The following MZB1 variants were observed in gnomAD, a reference collection of about 807,000 sequenced individuals.
MZB1 encodes the protein marginal zone B- and B1-cell-specific protein.
A neutral mutation model predicts 17.2 loss-of-function variants in MZB1; 10 were observed. The ratio of observed to expected loss-of-function variants is 0.58; its 90% CI spans 0.36 to 0.98. MZB1 has a LOEUF of 0.98. Among genes scored for constraint, MZB1 ranks in the 50% least tolerant of loss-of-function variants. The pLI is 0.01. For synonymous variants in MZB1, 99 were observed against 98.7 expected, an observed-to-expected ratio of 1.00 and a Z score of -0.02; for missense variants, 246 against 237.5, an observed-to-expected ratio of 1.04 and a Z score of -0.23.
chr5:139,388,123 A>C lies in MZB1; in HGVS notation c.311T>G (p.Val104Gly). The change falls in exon 3 of 4, where the codon GTT becomes GGT. Residue 104 changes from valine (V) to glycine (G), a missense_variant. Physicochemically the swap from Val to Gly is moderately radical, Grantham distance 109. Coordinates refer to ENST00000302125, the MANE Select transcript of MZB1 (RefSeq NM_016459.4). ...ACGTTTCACTTGGTCCACTTCTCGA[A>C]CTCCGTAGCTGGTGGCAGTGGAGAG... ...SCSRNWQDYG[V>G]REVDQVKRLT... is the part of the protein sequence containing the mutation. The C allele has an allele frequency of 6.4e-7, 1 of 1,550,582 alleles. No homozygotes were observed. The highest frequency in any genetic ancestry group is 8.7e-7 in the Non-Finnish European group (1 of 1,147,072).
intron 1 of MZB1, 180 bp from the exon 2 acceptor site, chr5:139,388,765 G>C (rs1758556937): frequency 1.9e-6 from 2 of 1,064,972 alleles, no homozygotes; most frequent in East Asian, 2.7e-5. Flanking sequence ...CTCTGGGATG[G>C]GGATGGGGGA....
At position 139,388,207 on chromosome 5, in the gene MZB1, C is replaced by G. The variant is rs537474718; in HGVS notation, c.303-76G>C. 8.9e-6 allele frequency: 12 copies of G among 1,345,690 alleles called. No homozygotes were observed. The African/African-American group carries it at 1.5e-4, about 16-fold the overall frequency. 83.4% of individuals were successfully genotyped at this position (1,345,690 alleles called of 1,614,324 possible). On this transcript the variant is annotated intron_variant, in intron 2 of 3. Coordinates refer to ENST00000302125, the MANE Select transcript of MZB1 (RefSeq NM_016459.4). ...GGGAGAGACCCATCTCCACAGCAAG[C>G]TGGACATGCTGGGCATTTGTGGAAT...
At position 139,387,722 on chromosome 5, in the gene MZB1, A is replaced by C. The variant is rs1758538006; in HGVS notation, c.*43T>G. ...CCTGCAGACGGGAGTGGAGACCGTCAGAGCAAGCCCCAGCTTCTTTCAGAG... is the reference window on the plus strand; with the variant it reads ...CCTGCAGACGGGAGTGGAGACCGTCCGAGCAAGCCCCAGCTTCTTTCAGAG... On this transcript the variant is annotated 3_prime_UTR_variant, in exon 4 of 4. Coordinates refer to ENST00000302125, the MANE Select transcript of MZB1 (RefSeq NM_016459.4). 2 of 1,481,372 alleles carry C rather than the reference A, an allele frequency of 1.4e-6. No homozygotes were observed. The highest frequency in any genetic ancestry group is 1.8e-6 in the Non-Finnish European group (2 of 1,119,468). 91.8% of individuals were successfully genotyped at this position (1,481,372 alleles called of 1,614,324 possible). A position where few individuals can be genotyped will look rare whatever the true frequency, so the allele number is the denominator to read the frequency against.
rs776669046 is a variant in MZB1 at position 139,389,721 on chromosome 5, C to T, written c.136G>A (p.Ala46Thr). ...CTGCAGGCATCACAGCGCAGGTGAGCGGGCATGTGGGCTGAGTACATCTCC... is the reference window on the plus strand; with the variant it reads ...CTGCAGGCATCACAGCGCAGGTGAGTGGGCATGTGGGCTGAGTACATCTCC... ...DEEMYSAHMP[A>T]HLRCDACRAV... Residue 46 changes from alanine to threonine, a missense_variant, in exon 1 of 4, where the codon GCT becomes ACT. Transcript: ENST00000302125. 1.3e-5 allele frequency: 21 copies of T among 1,580,702 alleles called. No homozygotes were observed. The highest frequency in any genetic ancestry group is 7.0e-5 in the East Asian group (3 of 42,994).
At chr5:139,388,179 C>A in intron 2 of MZB1, 48 bp from the exon 3 acceptor site, 1 of 1,502,404 alleles carries the variant, frequency 6.7e-7, no homozygotes, top group Non-Finnish European at 9.0e-7. Flanking sequence ...AGGAGCCCAG[C>A]CAGGGAGAGA....
intron 1 of MZB1, 116 bp from the exon 2 acceptor site, chr5:139,388,701 A>G (rs1421724280): frequency 6.8e-6 from 10 of 1,479,874 alleles, no homozygotes; most frequent in Middle Eastern, 1.8e-4. Context: ...GAGCCGTTTG[A>G]GCAGGAAGCA....
At chr5:139,388,234 C>G in intron 2 of MZB1, 103 bp from the exon 3 acceptor site, 9 of 1,237,156 alleles carry the variant, frequency 7.3e-6, no homozygotes, top group Non-Finnish European at 1.0e-5. Context: ...TTGTGGAATT[C>G]AGAGAGGGAA....
intron 1 of MZB1, chr5:139,389,251 C>T: frequency 2.9e-6 from 1 of 349,376 alleles, no homozygotes; most frequent in Non-Finnish European, 5.6e-6. Context: ...ACTCCCAGGC[C>T]CCCACCTCAC....
rs1438931297 is a variant in MZB1, at chr5:139,389,790, C to A, written c.67G>T (p.Asp23Tyr). The change falls in exon 1 of 4, where the codon GAC (aspartate) becomes TAC (tyrosine). Residue 23 changes from aspartate to tyrosine, a missense_variant. Asp to Tyr is a radical substitution (Grantham distance 160, BLOSUM62 -3). Coordinates refer to ENST00000302125, the MANE Select transcript of MZB1 (RefSeq NM_016459.4). ...GAWAIPGGLG[D>Y]RAPLTATAPQ... ...GCTGTGGCTGTGAGTGGCGCCCTGT[C>A]CCCGAGGCCCCCTGGGATGGCCCAG... The A allele has an allele frequency of 6.4e-7, 1 of 1,551,466 alleles. No homozygotes were observed. Among genetic ancestry groups the A allele is most frequent in the Middle Eastern group, 1.7e-4 (1 of 6,002 alleles).
rs1581392839 is a variant in MZB1 at position 139,389,791 on chromosome 5, C to T, written c.66G>A (p.Gly22=). The change falls in exon 1 of 4, where the codon GGG becomes GGA. Residue 22 remains glycine, a synonymous_variant. Transcript: ENST00000302125. ...CTGTGGCTGTGAGTGGCGCCCTGTC[C>T]CCGAGGCCCCCTGGGATGGCCCAGG... ...LGAWAIPGGL[G]DRAPLTATAP... 1 of 1,551,506 alleles carries T rather than the reference C, an allele frequency of 6.4e-7. No homozygotes were observed. Among genetic ancestry groups the T allele is most frequent in the Non-Finnish European group, 8.7e-7 (1 of 1,147,424 alleles).
At chr5:139,389,404 C>CGGACTCAA (rs1257247886) in intron 1 of MZB1, 2 of 648,030 alleles carry the variant, frequency 3.1e-6, no homozygotes, top group Non-Finnish European at 5.7e-6. Context: ...GGAGGGAGTC[C>CGGACTCAA]GGACTCAAGG....
intron 2 of MZB1, 45 bp downstream of exon 2, chr5:139,388,416 C>A: frequency 6.6e-7 from 1 of 1,518,890 alleles, no homozygotes; most frequent in South Asian, 1.2e-5. Flanking sequence ...ACCCACCAGG[C>A]CTGCCCTTGG....
At chr5:139,389,017 T>C in intron 1 of MZB1, 1 of 213,120 alleles carries the variant, frequency 4.7e-6, no homozygotes, top group Non-Finnish European at 9.6e-6. Context: ...ACTACAGGTA[T>C]GTGCCACCAC....
intron 1 of MZB1, 72 bp downstream of exon 1, chr5:139,389,608 G>T: frequency 6.7e-7 from 1 of 1,499,922 alleles, no homozygotes; most frequent in Non-Finnish European, 9.0e-7. Context: ...GTGGTGGAAT[G>T]TGAGGTGGGT....
At chr5:139,388,200 C>A in intron 2 of MZB1, 69 bp from the exon 3 acceptor site, 1 of 1,400,530 alleles carries the variant, frequency 7.1e-7, no homozygotes. Flanking sequence ...CCCATCTCCA[C>A]AGCAAGCTGG....
In MZB1 at chr5:139,388,114, A is replaced by C. The variant is rs867548333; in HGVS notation, c.320T>G (p.Val107Gly). The C allele has an allele frequency of 7.1e-6, 11 of 1,550,884 alleles. No homozygotes were observed. Among genetic ancestry groups the C allele is most frequent in the Non-Finnish European group, 9.6e-6 (11 of 1,147,224 alleles). Reference protein sequence around the residue: ...RNWQDYGVREVDQVKRLTGPG... With the variant: ...RNWQDYGVREGDQVKRLTGPG... ...GCCTGTGAGACGTTTCACTTGGTCCACTTCTCGAACTCCGTAGCTGGTGGC... is the reference window on the plus strand; with the variant it reads ...GCCTGTGAGACGTTTCACTTGGTCCCCTTCTCGAACTCCGTAGCTGGTGGC... The change falls in exon 3 of 4, where the codon GTG becomes GGG. Residue 107 changes from valine to glycine, a missense_variant. By Grantham distance (109) the Val-to-Gly change is moderately radical. Transcript: ENST00000302125.
rs1232395562 is a variant in MZB1, at chr5:139,389,839, T to C, written c.18A>G (p.Pro6=). The change falls in exon 1 of 4, where the codon CCA becomes CCG. Residue 6 remains proline (P), a synonymous_variant. Transcript: ENST00000302125. MRLSL[P]LLLLLLGAWA... The stretch of plus-strand genomic sequence containing the variant: ...AGGCTCCCAGCAGCAGCAGCAGCAG[T>C]GGCAGTGACAGCCTCATGGCCCCAG... The C allele has an allele frequency of 1.9e-6, 3 of 1,547,056 alleles. No homozygotes were observed. The highest frequency in any genetic ancestry group is 1.7e-6 in the Non-Finnish European group (2 of 1,146,838).
intron 1 of MZB1, chr5:139,389,014 G>T (rs1191272352): frequency 4.7e-6 from 1 of 214,528 alleles, no homozygotes; most frequent in Middle Eastern, 1.9e-3. Context: ...GGGACTACAG[G>T]TATGTGCCAC....
chr5:139,388,142 T>TGGAGA lies in MZB1; in HGVS notation c.303-16_303-12dup, dbSNP rs1362023863. On this transcript the variant is annotated splice_polypyrimidine_tract_variant and intron_variant, in intron 2 of 3. Transcript: ENST00000302125. ...TCTCGAACTCCGTAGCTGGTGGCAG[T>TGGAGA]GGAGAGGAGAGGAGTACAGTTTTGG... 2 of 1,549,208 alleles carry TGGAGA rather than the reference T, an allele frequency of 1.3e-6. No individual in the cohort carries two copies. The highest frequency in any genetic ancestry group is 1.7e-6 in the Non-Finnish European group (2 of 1,146,320).
Sources: allele counts gnomAD v4.1 joint callset, GRCh38; gene constraint gnomAD v4.1.1; transcripts MANE v1.5; gene names NCBI Gene and HGNC (gene_info 2026-07-23, HGNC 2026-07-21).